The following UQCRC2 variants were observed in gnomAD, a reference collection of about 807,000 sequenced individuals.
The protein encoded by UQCRC2 is cytochrome b-c1 complex subunit 2, mitochondrial.
Under a neutral mutation model 55.6 loss-of-function variants are expected in UQCRC2, and 49 were observed. That is an observed-to-expected ratio of 0.88 (90% CI 0.70 to 1.12). The LOEUF (loss-of-function observed/expected upper bound fraction) is 1.12, where lower values mean the gene tolerates loss of function less well. Among genes scored for constraint, UQCRC2 ranks in the 50% most tolerant of loss-of-function variants. UQCRC2 has a pLI of 0.00. For synonymous variants in UQCRC2, 193 were observed against 192.0 expected (o/e 1.01, Z -0.04); for missense variants, 506 against 547.8 (o/e 0.92, Z 0.76).
intron 10 of UQCRC2, 122 bp from the exon 11 acceptor site, chr16:21,973,773 GT>G (rs1166769946): frequency 6.3e-6 from 5 of 794,206 alleles, no homozygotes; most frequent in Non-Finnish European, 1.0e-5. Flanking sequence ...AACTGGCTAA[GT>G]AAAATATTAA....
chr16:21,963,776 A>G (rs1427993960), intron 6 of UQCRC2, among the ~76,000 whole-genome samples: 1 of 151,982 alleles, frequency 6.6e-6, no homozygotes, highest in Non-Finnish European at 1.5e-5. Flanking sequence ...ACCCCTAGTG[A>G]TTTTTAAGAG....
At chr16:21,982,744 C>T (rs1898763164) in intron 13 of UQCRC2, among the ~76,000 whole-genome samples, 1 of 152,094 alleles carries the variant, frequency 6.6e-6, no homozygotes, top group African/African-American at 2.4e-5. Flanking sequence ...GTGAGTGGAT[C>T]ACTTGAGGCT....
chr16:21,956,667 T>C (rs1048639775), intron 1 of UQCRC2, among the ~76,000 whole-genome samples: 6 of 152,236 alleles, frequency 3.9e-5, no homozygotes, highest in African/African-American at 9.6e-5. Flanking sequence ...AGTGATTCTT[T>C]ACATCATTTA....
chr16:21,981,309 A>G (rs1191606883), intron 13 of UQCRC2, among the ~76,000 whole-genome samples: 1 of 152,144 alleles, frequency 6.6e-6, no homozygotes, highest in Non-Finnish European at 1.5e-5. Flanking sequence ...TGCTGTGCCT[A>G]ACAAGCACAT....
intron 6 of UQCRC2, 86 bp from the exon 7 acceptor site, chr16:21,965,322 G>T (rs1006875095): frequency 9.6e-5 from 125 of 1,304,470 alleles, no homozygotes; most frequent in Middle Eastern, 7.6e-4. Flanking sequence ...GACCAAATTT[G>T]TATAGGCTTG....
intron 7 of UQCRC2, among the ~76,000 whole-genome samples, chr16:21,967,278 A>C (rs13338682): frequency 0.031 from 4,786 of 152,222 alleles, 260 homozygotes; most frequent in African/African-American, 0.11. Context: ...AAATTGATTA[A>C]AAGTTCAGTT....
At chr16:21,953,838 G>C (rs1264472125) in intron 1 of UQCRC2, among the ~76,000 whole-genome samples, 1 of 152,100 alleles carries the variant, frequency 6.6e-6, no homozygotes, top group Non-Finnish European at 1.5e-5. Flanking sequence ...TCTGCTCCTT[G>C]GTTTATCACG....
intron 4 of UQCRC2, chr16:21,962,169 C>G (rs772961062): frequency 2.9e-6 from 1 of 349,448 alleles, no homozygotes; most frequent in Non-Finnish European, 5.3e-6. Context: ...TAGAATCATA[C>G]AATATTTGTC....
chr16:21,961,274 T>A, intron 4 of UQCRC2: 1 of 426,584 alleles, frequency 2.3e-6, no homozygotes, highest in Non-Finnish European at 4.7e-6. Flanking sequence ...TTTAATCACA[T>A]TCACAAAGGT....
Position 21,971,987 on chromosome 16 carries a change from C to T in UQCRC2, c.831C>T (p.Val277=), listed in dbSNP as rs774274270. 9 of 1,614,102 alleles carry T rather than the reference C, an allele frequency of 5.6e-6. No individual in the cohort carries two copies. The highest frequency in any genetic ancestry group is 3.3e-5 in the South Asian group (3 of 91,074). The change falls in exon 10 of 14, where the codon GTC becomes GTT. Residue 277 remains valine (V), a synonymous_variant. Transcript: ENST00000268379. ...CTGCTTTTGTAGCAGAAAGTGCTGT[C>T]GCGGGAAGTGCAGAGGCAAATGCAT... is the stretch of plus-strand genomic sequence containing the variant. ...VHAAFVAESA[V]AGSAEANAFS...
chr16:21,981,909 C>T (rs768898593), intron 13 of UQCRC2, among the ~76,000 whole-genome samples: 4 of 150,016 alleles, frequency 2.7e-5, no homozygotes, highest in South Asian at 2.1e-4. Flanking sequence ...GGCGCGATCT[C>T]GGCTCAGTAC....
intron 1 of UQCRC2, 100 bp downstream of exon 1, chr16:21,953,556 T>C: frequency 6.8e-7 from 1 of 1,462,258 alleles, no homozygotes; most frequent in Non-Finnish European, 9.2e-7. Flanking sequence ...GCCTTGGGAT[T>C]CGGTCTGCCC....
rs374661051 is a variant in UQCRC2 at position 21,965,440 on chromosome 16, C to T, written c.547C>T (p.Arg183Trp). The T allele has an allele frequency of 8.7e-6, 14 of 1,613,750 alleles. No homozygotes were observed. Among genetic ancestry groups the T allele is most frequent in the Middle Eastern group, 1.6e-4 (1 of 6,080 alleles). The change falls in exon 7 of 14, where the codon CGG (arginine) becomes TGG (tryptophan). Residue 183 changes from arginine to tryptophan, a missense_variant. Arg to Trp is a moderately radical substitution (Grantham distance 101). Coordinates refer to ENST00000268379, the MANE Select transcript of UQCRC2 (RefSeq NM_003366.4). ...TGAAAATTTGCATGCAGCAGCTTAC[C>T]GGAATGCCTTGGCTAATCCCTTGTA... is the stretch of plus-strand genomic sequence containing the variant. ...VIENLHAAAY[R>W]NALANPLYCP...
chr16:21,960,535 A>G (rs1055577672), intron 4 of UQCRC2, among the ~76,000 whole-genome samples: 3 of 152,184 alleles, frequency 2.0e-5, no homozygotes, highest in African/African-American at 7.2e-5. Flanking sequence ...GAGTAGCACT[A>G]TTAGTTTTCT....
chr16:21,977,502 G>A (rs1316407136), intron 12 of UQCRC2, among the ~76,000 whole-genome samples: 4 of 151,908 alleles, frequency 2.6e-5, no homozygotes, highest in Non-Finnish European at 4.4e-5. Context: ...ATTTTGTTTT[G>A]TTTTATAAGA....
chr16:21,962,976 T>G, intron 6 of UQCRC2, 91 bp downstream of exon 6: 1 of 1,372,086 alleles, frequency 7.3e-7, no homozygotes, highest in African/African-American at 1.5e-5. Context: ...TGTCAAAATT[T>G]TTATTTTTAT....
chr16:21,976,088 C>A, intron 11 of UQCRC2, 79 bp from the exon 12 acceptor site: 1 of 934,050 alleles, frequency 1.1e-6, no homozygotes, highest in South Asian at 1.4e-5. Flanking sequence ...TGTGTTTTTG[C>A]CTCAGTAAAG....
At chr16:21,954,602 A>C in intron 1 of UQCRC2, among the ~76,000 whole-genome samples, 1 of 152,236 alleles carries the variant, frequency 6.6e-6, no homozygotes, top group East Asian at 1.9e-4. Flanking sequence ...AAATTGCAGT[A>C]AACTTGAAAG....
chr16:21,982,670 A>G (rs1191285317), intron 13 of UQCRC2, among the ~76,000 whole-genome samples: 1 of 152,204 alleles, frequency 6.6e-6, no homozygotes, highest in Non-Finnish European at 1.5e-5. Context: ...GCTGGCTTAG[A>G]ATGTCCTATC....
Sources: gnomAD v4.1 joint callset for allele counts (sites outside exome capture counted in the v4.1 genomes callset) on GRCh38, gnomAD v4.1.1 for gene constraint, MANE v1.5 for transcripts, NCBI Gene and HGNC (gene_info 2026-07-23, HGNC 2026-07-21) for gene names.